ITPKB: variants seen among roughly 807,000 people sequenced by gnomAD.
The protein encoded by ITPKB is inositol-trisphosphate 3-kinase B.
A neutral mutation model predicts 69.4 loss-of-function variants in ITPKB; 13 were observed. The observed-to-expected ratio is 0.19, with a 90% CI of 0.12 to 0.30. The LOEUF is 0.30. Ranked by LOEUF, ITPKB falls within the 10% of genes least tolerant of loss-of-function variation. The pLI is 1.00. For missense variants in ITPKB, 1,240 were observed against 1,250.5 expected (o/e 0.99, Z 0.13); for synonymous variants, 584 against 513.7 (o/e 1.14, Z -1.85).
At chr1:226,682,287 G>C (rs1656110906) in intron 2 of ITPKB, among the ~76,000 whole-genome samples, 1 of 152,194 alleles carries the variant, frequency 6.6e-6, no homozygotes, top group Admixed American at 6.5e-5. Context: ...GACACCATTG[G>C]TCAAAGTGGC....
At position 226,634,945 on chromosome 1, in the gene ITPKB, C is replaced by CGGCCCGG; in HGVS notation, c.2626-66_2626-60dup. ...AGCCCGGGCCTCGCCCTCCCCACTG[C>CGGCCCGG]GGCCCGGGGCCTGGGTGACCAGGTG... On this transcript the variant is annotated intron_variant, in intron 7 of 7. Transcript: ENST00000429204. This position sits in a 1 kb window ranked among gnomAD's most constrained non-coding sequence, Gnocchi z 6.3. The CGGCCCGG allele has an allele frequency of 7.3e-7, 1 of 1,375,718 alleles. No homozygotes were observed. Among genetic ancestry groups the CGGCCCGG allele is most frequent in the Non-Finnish European group, 1.0e-6 (1 of 991,476 alleles). The allele number at this position is 1,375,718 out of a possible 1,614,324, so 85.2% of individuals were successfully genotyped here.
intron 2 of ITPKB, among the ~76,000 whole-genome samples, chr1:226,699,788 T>C (rs757141254): frequency 5.3e-5 from 8 of 152,068 alleles, no homozygotes; most frequent in East Asian, 1.9e-4. Context: ...GCTATTCTAT[T>C]AGTCAGGGTT....
At position 226,737,561 on chromosome 1, in the gene ITPKB, G is replaced by A. The variant is rs1441226375; in HGVS notation, c.-103C>T. The A allele has an allele frequency of 1.1e-5, 13 of 1,223,756 alleles. No homozygotes were observed. Among genetic ancestry groups the A allele is most frequent in the African/African-American group, 1.6e-5 (1 of 63,162 alleles). The allele number at this position is 1,223,756 out of a possible 1,614,324, so 75.8% of individuals were successfully genotyped here. A position where few individuals can be genotyped will look rare whatever the true frequency, so the allele number is the denominator to read the frequency against. On this transcript the variant is annotated 5_prime_UTR_variant, in exon 2 of 8. Transcript: ENST00000429204. ...CCGGCTCAGCCCCGGAGGCCCGGCAGCCGCGGCTCCGCGCGCAGATGGGGC... is the reference window on the plus strand; with the variant it reads ...CCGGCTCAGCCCCGGAGGCCCGGCAACCGCGGCTCCGCGCGCAGATGGGGC...
intron 2 of ITPKB, among the ~76,000 whole-genome samples, chr1:226,729,537 C>T (rs945457247): frequency 6.7e-6 from 1 of 148,744 alleles, no homozygotes. Flanking sequence ...ACCCAGATTT[C>T]GATACTGTTA....
intron 2 of ITPKB, among the ~76,000 whole-genome samples, chr1:226,662,747 T>C (rs1669423239): frequency 6.6e-6 from 1 of 152,236 alleles, no homozygotes; most frequent in Non-Finnish European, 1.5e-5. Flanking sequence ...TAAGCAGTTA[T>C]CAAGCTACAC....
In ITPKB at chr1:226,735,953, C is replaced by T; in HGVS notation, c.1506G>A (p.Gln502=). 1 of 1,614,050 alleles carries T rather than the reference C, an allele frequency of 6.2e-7. No homozygotes were observed. The highest frequency in any genetic ancestry group is 2.2e-5 in the East Asian group (1 of 44,876). ...CCTGCCAAACCCTGGAGTTCCCAGG[C>T]TGCACACCCACCCTGTCCCCAGGAG... ...QCPPGDRVGV[Q]PGNSRVWQGT... Residue 502 remains glutamine (Q), a synonymous_variant, in exon 2 of 8, where the codon CAG becomes CAA. Coordinates refer to ENST00000429204, the MANE Select transcript of ITPKB (RefSeq NM_002221.4).
At chr1:226,663,010 T>A (rs1465699266) in intron 2 of ITPKB, among the ~76,000 whole-genome samples, 1 of 152,170 alleles carries the variant, frequency 6.6e-6, no homozygotes, top group Non-Finnish European at 1.5e-5. Context: ...ATGCATCTGT[T>A]CACGTGCAGA....
intron 2 of ITPKB, among the ~76,000 whole-genome samples, chr1:226,652,048 C>G (rs1001585213): frequency 4.6e-5 from 7 of 152,236 alleles, no homozygotes; most frequent in Admixed American, 3.3e-4. Context: ...TCTTTTCTCT[C>G]TGCCAGCAGC....
Position 226,637,867 on chromosome 1 carries a change from C to T in ITPKB, c.2554-117G>A. ...AATGTGCTTTACCCTAAACGCCGGA[C>T]ATCTAGAGGCAGCTTCCTGCGAGCA... On this transcript the variant is annotated intron_variant, in intron 6 of 7. Transcript: ENST00000429204. The surrounding 1 kb of genome is among the most constrained non-coding windows in gnomAD (Gnocchi z 4.3). 1.4e-6 allele frequency: 1 copy of T among 726,412 alleles called. No individual in the cohort carries two copies. 45.0% of individuals were successfully genotyped at this position (726,412 alleles called of 1,614,324 possible). A position where few individuals can be genotyped will look rare whatever the true frequency, so the allele number is the denominator to read the frequency against.
intron 2 of ITPKB, among the ~76,000 whole-genome samples, chr1:226,701,038 G>A (rs1255584568): frequency 1.3e-5 from 2 of 152,182 alleles, no homozygotes; most frequent in African/African-American, 4.8e-5. Context: ...TTCTATAGAC[G>A]TGGACAAGAC....
intron 6 of ITPKB, among the ~76,000 whole-genome samples, chr1:226,639,054 CTTTTT>C (rs34561047): frequency 9.7e-5 from 12 of 123,806 alleles, no homozygotes; most frequent in African/African-American, 3.7e-4. Context: ...GTGCCCTTGA[CTTTTT>C]TTTTTTTTTT....
chr1:226,676,474 C>G (rs1177457244), intron 2 of ITPKB: 3 of 152,254 alleles, frequency 2.0e-5, no homozygotes, highest in Admixed American at 2.0e-4. Flanking sequence ...AATTCCCCTA[C>G]CGGTGTGACC....
At chr1:226,722,944 C>A (rs563967544) in intron 2 of ITPKB, among the ~76,000 whole-genome samples, 68 of 152,246 alleles carry the variant, frequency 4.5e-4, no homozygotes, top group Admixed American at 2.3e-3. Context: ...CTCCCCCTGC[C>A]CCCCACCCAT....
At chr1:226,652,332 C>T (rs1014910529) in intron 2 of ITPKB, among the ~76,000 whole-genome samples, 3 of 152,224 alleles carry the variant, frequency 2.0e-5, no homozygotes, top group African/African-American at 7.2e-5. Flanking sequence ...AGGCACACGC[C>T]GCTTTCCAGG....
At position 226,723,189 on chromosome 1, in the gene ITPKB, C is replaced by T. The variant is rs138911416; in HGVS notation, c.1932+12338G>A. 3.9e-5 allele frequency among the ~76,000 whole-genome samples: 6 copies of T among 152,226 alleles called. No homozygotes were observed. In the East Asian group the frequency reaches 7.7e-4, roughly 20 times the overall value. The stretch of plus-strand genomic sequence containing the variant: ...CAGCTCCGTCCAGTCACCTGACTGG[C>T]TTTTCCTTCCACTCCACCATCCCAG... On this transcript the variant is annotated intron_variant, in intron 2 of 7. Coordinates refer to ENST00000429204, the MANE Select transcript of ITPKB (RefSeq NM_002221.4).
chr1:226,737,176 T>C lies in ITPKB; in HGVS notation c.283A>G (p.Ser95Gly), dbSNP rs1401940379. 6.1e-6 allele frequency: 5 copies of C among 821,566 alleles called. No homozygotes were observed. Among genetic ancestry groups the C allele is most frequent in the Non-Finnish European group, 8.2e-6 (5 of 609,214 alleles). 50.9% of individuals were successfully genotyped at this position (821,566 alleles called of 1,614,324 possible). A position where few individuals can be genotyped will look rare whatever the true frequency, so the allele number is the denominator to read the frequency against. ...GCCCAACTTGGGCTGCTCACGCTAC[T>C]GCCGCTGCTGCCGCTGCCACTGCCG... Reference protein sequence around the residue: ...SSGSGSGSSGSSVSSPSWAGR... With the variant: ...SSGSGSGSSGGSVSSPSWAGR... Residue 95 changes from serine (S) to glycine (G), a missense_variant, in exon 2 of 8, where the codon AGT becomes GGT. Ser to Gly is a moderately conservative substitution (Grantham distance 56). Coordinates refer to ENST00000429204, the MANE Select transcript of ITPKB (RefSeq NM_002221.4).
intron 2 of ITPKB, among the ~76,000 whole-genome samples, chr1:226,703,315 G>T (rs1393571943): frequency 6.6e-6 from 1 of 152,222 alleles, no homozygotes. Flanking sequence ...TTTCTCACTC[G>T]ATTTGTTTAC....
rs1657895409 is a variant in ITPKB, at chr1:226,738,683, AC to A, written c.-206+357del. Among the ~76,000 whole-genome samples the A allele has an allele frequency of 6.6e-6, 1 of 151,732 alleles. No homozygotes were observed. The highest frequency in any genetic ancestry group is 6.5e-5 in the Admixed American group (1 of 15,276). ...ACCTCCCAGGAGCCGGCGCTCTAACACCCCAGGGCAGCGCCGCGGAGCGCAG... is the reference window on the plus strand; with the variant it reads ...ACCTCCCAGGAGCCGGCGCTCTAACACCCAGGGCAGCGCCGCGGAGCGCAG... On this transcript the variant is annotated intron_variant, in intron 1 of 7. Transcript: ENST00000429204. The surrounding 1 kb of genome is among the most constrained non-coding windows in gnomAD (Gnocchi z 4.2).
intron 2 of ITPKB, among the ~76,000 whole-genome samples, chr1:226,697,610 G>A (rs1656524198): frequency 6.6e-6 from 1 of 152,216 alleles, no homozygotes; most frequent in African/African-American, 2.4e-5. Flanking sequence ...ATACCTGATA[G>A]GCGAACTGGG....
Sources: allele counts gnomAD v4.1 joint callset (sites outside exome capture counted in the v4.1 genomes callset), GRCh38; gene constraint gnomAD v4.1.1; non-coding constraint Gnocchi (gnomAD v3.1); transcripts MANE v1.5; gene names NCBI Gene and HGNC (gene_info 2026-07-23, HGNC 2026-07-21).